PITPNC1: variants seen among roughly 807,000 people sequenced by gnomAD.
PITPNC1 encodes the protein cytoplasmic phosphatidylinositol transfer protein 1.
PITPNC1 carries 18 observed loss-of-function variants against 44.7 expected under a neutral mutation model. That is an observed-to-expected ratio of 0.40 (90% confidence interval 0.28 to 0.60). The LOEUF is 0.60. PITPNC1 is among the 20% of genes least tolerant of loss of function. The pLI is 0.39. For missense variants in PITPNC1, 290 were observed against 418.4 expected, an observed-to-expected ratio of 0.69 and a Z score of 2.68; for synonymous variants, 141 against 149.6, an observed-to-expected ratio of 0.94 and a Z score of 0.42.
intron 6 of PITPNC1, among the ~76,000 whole-genome samples, chr17:67,652,144 G>A (rs932725425): frequency 1.3e-5 from 2 of 152,178 alleles, no homozygotes; most frequent in Admixed American, 6.5e-5. Context: ...GCAAGCCCCT[G>A]TTGGCTATTG....
chr17:67,529,816 C>T (rs951661142), intron 1 of PITPNC1, among the ~76,000 whole-genome samples: 3 of 152,108 alleles, frequency 2.0e-5, no homozygotes, highest in South Asian at 2.1e-4. Flanking sequence ...GTCGTAGCGG[C>T]GTGCGCCTGT....
At chr17:67,643,318 GGAGGTGGCA>G (rs1567755526) in intron 6 of PITPNC1, among the ~76,000 whole-genome samples, 1 of 152,178 alleles carries the variant, frequency 6.6e-6, no homozygotes, top group African/African-American at 2.4e-5. Flanking sequence ...TCCGGGAGGC[GGAGGTGGCA>G]GTGAGCTGAG....
intron 1 of PITPNC1, among the ~76,000 whole-genome samples, chr17:67,494,445 G>A (rs191892675): frequency 2.3e-4 from 35 of 151,410 alleles, no homozygotes; most frequent in African/African-American, 7.0e-4. Context: ...TGATCCACCC[G>A]CCTCGGCCTC....
chr17:67,546,046 A>C (rs1369546263), intron 2 of PITPNC1, among the ~76,000 whole-genome samples: 1 of 151,732 alleles, frequency 6.6e-6, no homozygotes, highest in Non-Finnish European at 1.5e-5. Context: ...ACAAAAAATT[A>C]ACCGGGAGTG....
intron 6 of PITPNC1, among the ~76,000 whole-genome samples, chr17:67,661,439 C>T (rs763146981): frequency 6.6e-6 from 1 of 152,030 alleles, no homozygotes; most frequent in Non-Finnish European, 1.5e-5. Flanking sequence ...AATATTTGTC[C>T]CACTTGAGTC....
At chr17:67,667,160 G>A (rs1598959486) in intron 6 of PITPNC1, among the ~76,000 whole-genome samples, 1 of 152,124 alleles carries the variant, frequency 6.6e-6, no homozygotes, top group African/African-American at 2.4e-5. Flanking sequence ...CAACATCCCC[G>A]TGAACAGGAC....
intron 6 of PITPNC1, among the ~76,000 whole-genome samples, chr17:67,660,921 C>G (rs1026374130): frequency 6.7e-6 from 1 of 149,862 alleles, no homozygotes; most frequent in African/African-American, 2.5e-5. Flanking sequence ...TGCAGTGATG[C>G]GATCTTGGCT....
In PITPNC1 at chr17:67,404,304, G is replaced by T. The variant is rs571007211; in HGVS notation, c.48+26102G>T. Among the ~76,000 whole-genome samples, 5 of 152,250 alleles carry T rather than the reference G, an allele frequency of 3.3e-5. No homozygotes were observed. In the South Asian group the frequency reaches 1.0e-3, roughly 32 times the overall value. On this transcript the variant is annotated intron_variant, in intron 1 of 8. Transcript: ENST00000581322. Reference sequence around the variant, plus strand: ...CATTATTTGCATTTGCCATTCTTTTGTAAAGCCAGAAACGTAGATACAATT... The same window carrying T: ...CATTATTTGCATTTGCCATTCTTTTTTAAAGCCAGAAACGTAGATACAATT...
intron 1 of PITPNC1, 89 bp downstream of exon 1, chr17:67,378,291 A>C (rs1746093114): frequency 1.2e-6 from 1 of 821,906 alleles, no homozygotes; most frequent in Non-Finnish European, 1.8e-6. Context: ...GGCGAGCGGC[A>C]GGAAACCCAG....
At chr17:67,572,990 T>G (rs1475276541) in intron 4 of PITPNC1, among the ~76,000 whole-genome samples, 1 of 152,164 alleles carries the variant, frequency 6.6e-6, no homozygotes, top group Non-Finnish European at 1.5e-5. Flanking sequence ...CCCAGAGTCT[T>G]CAGAGGTAGT....
intron 7 of PITPNC1, 75 bp downstream of exon 7, chr17:67,669,738 C>A: frequency 5.6e-6 from 6 of 1,062,812 alleles, no homozygotes; most frequent in Middle Eastern, 2.1e-4. Context: ...GTCCATGATA[C>A]ACAACAGGTG....
chr17:67,458,353 G>C (rs562797563), intron 1 of PITPNC1, among the ~76,000 whole-genome samples: 2 of 152,240 alleles, frequency 1.3e-5, no homozygotes, highest in South Asian at 4.1e-4. Context: ...TATGCCCTTA[G>C]TTATTCTTTT....
intron 1 of PITPNC1, among the ~76,000 whole-genome samples, chr17:67,387,170 A>C (rs1184923401): frequency 1.3e-5 from 2 of 152,188 alleles, no homozygotes; most frequent in Non-Finnish European, 2.9e-5. Context: ...CGCCATTTAC[A>C]TGGGACCCAG....
intron 5 of PITPNC1, among the ~76,000 whole-genome samples, chr17:67,601,800 C>T (rs549893706): frequency 5.3e-5 from 8 of 151,818 alleles, no homozygotes; most frequent in East Asian, 3.9e-4. Flanking sequence ...AGCCTGCCCC[C>T]GGGAAGCCAG....
chr17:67,446,569 ATTG>A (rs2039098674), intron 1 of PITPNC1, among the ~76,000 whole-genome samples: 1 of 150,390 alleles, frequency 6.6e-6, no homozygotes, highest in African/African-American at 2.4e-5. Flanking sequence ...GAGTGAGCCT[ATTG>A]TTGTCTTGCC....
chr17:67,586,016 C>T (rs1312858851), intron 5 of PITPNC1, among the ~76,000 whole-genome samples: 1 of 152,144 alleles, frequency 6.6e-6, no homozygotes, highest in Non-Finnish European at 1.5e-5. Flanking sequence ...ACCCCACAAA[C>T]TAATGCAGGG....
Position 67,572,643 on chromosome 17 carries a change from G to A in PITPNC1, c.295-5543G>A, listed in dbSNP as rs144525484. 6.7e-4 allele frequency among the ~76,000 whole-genome samples: 101 copies of A among 151,852 alleles called. 1 individual carries two copies. In the East Asian group the frequency reaches 0.017, roughly 25 times the overall value. On this transcript the variant is annotated intron_variant, in intron 4 of 8. Transcript: ENST00000581322. ...AAGGAGATACGCGCTGTGATAAAGG[G>A]ACAAACAGAATGCTGCCAGCATGCA...
intron 5 of PITPNC1, among the ~76,000 whole-genome samples, chr17:67,588,228 T>G (rs1267380799): frequency 6.6e-6 from 1 of 152,168 alleles, no homozygotes; most frequent in Admixed American, 6.5e-5. Flanking sequence ...GATCTTGAAC[T>G]CCTGACCTCA....
intron 1 of PITPNC1, among the ~76,000 whole-genome samples, chr17:67,528,836 T>C (rs1181913349): frequency 6.6e-6 from 1 of 152,168 alleles, no homozygotes; most frequent in East Asian, 1.9e-4. Context: ...TCAAGGACTC[T>C]CTGTCTCTTC....
Sources: allele counts gnomAD v4.1 joint callset (sites outside exome capture counted in the v4.1 genomes callset), GRCh38; gene constraint gnomAD v4.1.1; transcripts MANE v1.5; gene names NCBI Gene and HGNC (gene_info 2026-07-23, HGNC 2026-07-21).